DNAAF4: variants seen among roughly 807,000 people sequenced by gnomAD.
The protein encoded by DNAAF4 is dynein axonemal assembly factor 4, also known as dynein assembly factor 4, axonemal.
DNAAF4 carries 43 observed loss-of-function variants against 51.8 expected under a neutral mutation model. The observed-to-expected ratio is 0.83, with a 90% CI of 0.65 to 1.07. The LOEUF is 1.07. DNAAF4 is among the 50% of genes least tolerant of loss of function. DNAAF4 has a pLI of 0.00. For synonymous variants in DNAAF4, 194 were observed against 165.6 expected, an observed-to-expected ratio of 1.17 and a Z score of -1.32; for missense variants, 581 against 493.0, an observed-to-expected ratio of 1.18 and a Z score of -1.69.
At chr15:55,467,407 G>C (rs559759120) in intron 4 of DNAAF4, among the ~76,000 whole-genome samples, 2 of 152,174 alleles carry the variant, frequency 1.3e-5, no homozygotes, top group South Asian at 2.1e-4. Flanking sequence ...TATGGTCTTA[G>C]GCAATCACTT....
chr15:55,505,083 C>A (rs1322607923), intron 1 of DNAAF4, among the ~76,000 whole-genome samples: 12 of 152,040 alleles, frequency 7.9e-5, no homozygotes, highest in Non-Finnish European at 8.8e-5. Flanking sequence ...AAGAAAAAAA[C>A]AACCCCATCA....
intron 6 of DNAAF4, among the ~76,000 whole-genome samples, chr15:55,448,847 G>C (rs1483796925): frequency 6.6e-6 from 1 of 150,944 alleles, no homozygotes; most frequent in African/African-American, 2.4e-5. Flanking sequence ...TCCAGCCTAG[G>C]GGACAGAGCG....
chr15:55,487,341 G>A (rs2058505260), intron 4 of DNAAF4, among the ~76,000 whole-genome samples: 1 of 151,924 alleles, frequency 6.6e-6, no homozygotes, highest in Admixed American at 6.6e-5. Context: ...ACCAATCAGT[G>A]CTCTGTGTTT....
At chr15:55,470,669 T>C (rs2058241328) in intron 4 of DNAAF4, among the ~76,000 whole-genome samples, 1 of 151,348 alleles carries the variant, frequency 6.6e-6, no homozygotes, top group Non-Finnish European at 1.5e-5. Flanking sequence ...GCCTTCTAGG[T>C]AGCTGGGACA....
chr15:55,446,235 C>G (rs1488994476), intron 6 of DNAAF4, among the ~76,000 whole-genome samples: 3 of 127,142 alleles, frequency 2.4e-5, no homozygotes, highest in African/African-American at 9.2e-5. Context: ...GGCAGCTGGG[C>G]AGAGGCGCTC....
intron 1 of DNAAF4, among the ~76,000 whole-genome samples, chr15:55,499,269 C>T (rs1302791590): frequency 6.6e-6 from 1 of 152,170 alleles, no homozygotes; most frequent in African/African-American, 2.4e-5. Context: ...TCTGCGTTCT[C>T]CCCAAACCCA....
chr15:55,451,593 C>T (rs1210906697), intron 5 of DNAAF4, among the ~76,000 whole-genome samples: 4 of 149,388 alleles, frequency 2.7e-5, no homozygotes, highest in Non-Finnish European at 5.9e-5. Context: ...CAGTGGAGAA[C>T]ACACTAAAAA....
intron 6 of DNAAF4, chr15:55,442,684 G>C: frequency 6.8e-7 from 1 of 1,469,556 alleles, no homozygotes; most frequent in Non-Finnish European, 9.5e-7. Context: ...TGTCGCCTCT[G>C]AATATAGGGT....
chr15:55,501,596 C>A (rs1467201767), intron 1 of DNAAF4, among the ~76,000 whole-genome samples: 1 of 151,140 alleles, frequency 6.6e-6, no homozygotes, highest in South Asian at 2.1e-4. Flanking sequence ...AGGATGGTCT[C>A]GATCTCCTGA....
At chr15:55,431,114 C>T (rs1338821940) in intron 9 of DNAAF4, among the ~76,000 whole-genome samples, 1 of 151,940 alleles carries the variant, frequency 6.6e-6, no homozygotes, top group Non-Finnish European at 1.5e-5. Flanking sequence ...GGGGTTTCAC[C>T]GTGTTAGCCA....
intron 3 of DNAAF4, among the ~76,000 whole-genome samples, chr15:55,494,189 C>T (rs1467262993): frequency 6.6e-6 from 1 of 151,938 alleles, no homozygotes; most frequent in Admixed American, 6.6e-5. Flanking sequence ...GCCACCATGC[C>T]CGGCTAATTT....
intron 4 of DNAAF4, among the ~76,000 whole-genome samples, chr15:55,477,190 GA>G (rs1027722304): frequency 6.6e-6 from 1 of 151,930 alleles, no homozygotes; most frequent in Admixed American, 6.6e-5. Context: ...AATAAAAAAA[GA>G]AAAGAGTTCT....
intron 4 of DNAAF4, among the ~76,000 whole-genome samples, chr15:55,473,369 G>GTATATATA (rs372477096): frequency 0.036 from 4,711 of 130,876 alleles, 208 homozygotes; most frequent in South Asian, 0.061. Flanking sequence ...ATGTGTGTGT[G>GTATATATA]TATATATATA....
rs2058666313 is a variant in DNAAF4, at chr15:55,498,197, G to A, written c.123+10C>T. On this transcript the variant is annotated intron_variant, in intron 2 of 9. Coordinates refer to ENST00000321149, the MANE Select transcript of DNAAF4 (RefSeq NM_130810.4). ...CCCCGGAGACCGGCAGGCAAGACTT[G>A]CATTCTTACCTTCAGATAGTTTTCC... The A allele has an allele frequency of 6.2e-7, 1 of 1,614,006 alleles. No homozygotes were observed. Among genetic ancestry groups the A allele is most frequent in the South Asian group, 1.1e-5 (1 of 91,054 alleles).
rs569820152 is a variant in DNAAF4 at position 55,446,296 on chromosome 15, C to CG, written c.783+3925dup. Among the ~76,000 whole-genome samples, 121 of 19,060 alleles carry CG rather than the reference C, an allele frequency of 6.3e-3. 3 individuals carry two copies. The highest frequency in any genetic ancestry group is 0.02 in the East Asian group (3 of 148). The allele number at this position is 19,060 out of a possible 152,430, so 12.5% of individuals were successfully genotyped here. A position where few individuals can be genotyped will look rare whatever the true frequency, so the allele number is the denominator to read the frequency against. ...GCAGAGGCGCTCCTCACATCCCAGACGGGGGGGGGGGGCAGCTGGGCAGAG... is the reference window on the plus strand; with the variant it reads ...GCAGAGGCGCTCCTCACATCCCAGACGGGGGGGGGGGGGCAGCTGGGCAGAG... On this transcript the variant is annotated intron_variant, in intron 6 of 9. Coordinates refer to ENST00000321149, the MANE Select transcript of DNAAF4 (RefSeq NM_130810.4).
chr15:55,442,573 C>T (rs1283761076), intron 6 of DNAAF4: 26 of 1,112,552 alleles, frequency 2.3e-5, no homozygotes, highest in Non-Finnish European at 2.9e-5. Flanking sequence ...GCAGAGTATT[C>T]GGGGGACAAC....
downstream of DNAAF4, among the ~76,000 whole-genome samples, chr15:55,425,658 A>T (rs993734204): frequency 6.6e-6 from 1 of 152,136 alleles, no homozygotes; most frequent in Non-Finnish European, 1.5e-5. Flanking sequence ...TTTATATAAC[A>T]CTAAACTATT....
chr15:55,450,909 C>A (rs143955264), intron 5 of DNAAF4, among the ~76,000 whole-genome samples: 1 of 152,128 alleles, frequency 6.6e-6, no homozygotes, highest in Non-Finnish European at 1.5e-5. Context: ...ACCAGCCTGG[C>A]CAACATGATG....
At chr15:55,498,771 G>A (rs1224455318) in intron 1 of DNAAF4, among the ~76,000 whole-genome samples, 187 bp from the exon 2 acceptor site, 1 of 151,578 alleles carries the variant, frequency 6.6e-6, no homozygotes, top group African/African-American at 2.4e-5. Flanking sequence ...CGGGCGTGGT[G>A]GTGCATGCCT....
Sources: gnomAD v4.1 joint callset for allele counts (sites outside exome capture counted in the v4.1 genomes callset) on GRCh38, gnomAD v4.1.1 for gene constraint, MANE v1.5 for transcripts, NCBI Gene and HGNC (gene_info 2026-07-23, HGNC 2026-07-21) for gene names.